MRPS27: variants seen among roughly 807,000 people sequenced by gnomAD.
MRPS27 encodes mitochondrial ribosomal protein S27.
Under a neutral mutation model 48.9 loss-of-function variants are expected in MRPS27, and 43 were observed. That is an observed-to-expected ratio of 0.88 (90% CI 0.69 to 1.13). MRPS27 has a LOEUF of 1.13. MRPS27 is among the 50% of genes most tolerant of loss of function. The probability of loss-of-function intolerance (pLI) is 0.00; values close to 1 mark genes in which losing one functional copy is unlikely to be tolerated. For missense variants in MRPS27, 467 were observed against 476.3 expected, an observed-to-expected ratio of 0.98 and a Z score of 0.18; for synonymous variants, 188 against 171.9, an observed-to-expected ratio of 1.09 and a Z score of -0.73.
rs1431249517 is a variant in MRPS27 at position 72,259,378 on chromosome 5, G to A, written c.282-21250C>T. Among the ~76,000 whole-genome samples, 3 of 150,102 alleles carry A rather than the reference G, an allele frequency of 2.0e-5. No individual in the cohort carries two copies. In the South Asian group the frequency reaches 6.3e-4, roughly 32 times the overall value. On this transcript the variant is annotated intron_variant, in intron 4 of 10. Transcript: ENST00000261413. ...AGCTACTTGGGAGGCTGAGGTAGGA[G>A]AATTGCTTGAATCCGGGAAGCAGAG...
At chr5:72,247,698 C>T (rs925302592) in intron 4 of MRPS27, among the ~76,000 whole-genome samples, 1 of 152,182 alleles carries the variant, frequency 6.6e-6, no homozygotes, top group Non-Finnish European at 1.5e-5. Context: ...TTATTTTCTA[C>T]TCAAATATTT....
intron 4 of MRPS27, among the ~76,000 whole-genome samples, chr5:72,279,570 A>C (rs1749477090): frequency 6.6e-6 from 1 of 152,184 alleles, no homozygotes; most frequent in East Asian, 1.9e-4. Context: ...CAGCCTGAGC[A>C]ACACAGCGAG....
intron 4 of MRPS27, among the ~76,000 whole-genome samples, chr5:72,254,562 T>C (rs1191866209): frequency 1.3e-5 from 2 of 152,196 alleles, no homozygotes; most frequent in East Asian, 3.8e-4. Context: ...GAGGGGAAAG[T>C]CATAGCCTAG....
In MRPS27 at chr5:72,226,062, C is replaced by T; in HGVS notation, c.832G>A (p.Glu278Lys). ...CTTAGAGCTGAAGAACATACCGCTT[C>T]TCTACACAGCTTTATGTCTTCTGGG... is the stretch of plus-strand genomic sequence containing the variant. ...ASPEDIKLCR[E>K]ALDVLGAVLK... Residue 278 changes from glutamate (E) to lysine (K), a missense_variant, in exon 9 of 11, where the codon GAA (glutamate) becomes AAA (lysine). Transcript: ENST00000261413. The T allele has an allele frequency of 1.9e-6, 3 of 1,612,766 alleles. No homozygotes were observed. The highest frequency in any genetic ancestry group is 1.7e-6 in the Non-Finnish European group (2 of 1,179,080).
intron 4 of MRPS27, among the ~76,000 whole-genome samples, chr5:72,274,798 C>T (rs779743648): frequency 9.2e-5 from 14 of 152,118 alleles, no homozygotes; most frequent in South Asian, 2.1e-4. Context: ...GCATTATGAA[C>T]GCTACAATGT....
chr5:72,294,791 G>T (rs1749933465), intron 4 of MRPS27: 1 of 150,186 alleles, frequency 6.7e-6, no homozygotes, highest in Non-Finnish European at 1.5e-5. Flanking sequence ...AATTCCACCT[G>T]TAAAAAAAAA....
Position 72,297,682 on chromosome 5 carries a change from C to A in MRPS27, c.172G>T (p.Asp58Tyr). ...GGCAACTTTCTCTCAAATGTTTTAT[C>A]CATTAAAGATGCAAGATCAGCTGTG... ...YCLADLASLM[D>Y]KTFERKLPVS... Residue 58 changes from aspartate (D) to tyrosine (Y), a missense_variant, in exon 3 of 11, where the codon GAT (aspartate) becomes TAT (tyrosine). By Grantham distance (160) the Asp-to-Tyr change is radical. Transcript: ENST00000261413. 1 of 1,600,020 alleles carries A rather than the reference C, an allele frequency of 6.2e-7. No homozygotes were observed. The highest frequency in any genetic ancestry group is 8.5e-7 in the Non-Finnish European group (1 of 1,174,046).
chr5:72,266,896 C>T (rs1749119507), intron 4 of MRPS27, among the ~76,000 whole-genome samples: 1 of 151,998 alleles, frequency 6.6e-6, no homozygotes, highest in Admixed American at 6.6e-5. Flanking sequence ...AATGTGGTTA[C>T]CACTAGGTTC....
At chr5:72,223,317 GCA>G (rs1229406065) in intron 10 of MRPS27, among the ~76,000 whole-genome samples, 9 of 152,208 alleles carry the variant, frequency 5.9e-5, no homozygotes, top group African/African-American at 2.2e-4. Flanking sequence ...AGGTTATCAA[GCA>G]CATTTAGTGC....
intron 2 of MRPS27, among the ~76,000 whole-genome samples, chr5:72,308,930 G>A (rs2112084164): frequency 6.6e-6 from 1 of 152,290 alleles, no homozygotes; most frequent in Admixed American, 6.5e-5. Context: ...CAGACGGAGA[G>A]GCAGGCATTA....
At chr5:72,308,408 C>G (rs1195379873) in intron 2 of MRPS27, among the ~76,000 whole-genome samples, 7 of 152,234 alleles carry the variant, frequency 4.6e-5, no homozygotes, top group Admixed American at 4.6e-4. Context: ...CATATCGGCC[C>G]TCCTCCGTCC....
At chr5:72,274,514 C>T (rs1351010066) in intron 4 of MRPS27, among the ~76,000 whole-genome samples, 5 of 152,308 alleles carry the variant, frequency 3.3e-5, no homozygotes, top group South Asian at 2.1e-4. Flanking sequence ...ATGATAACAA[C>T]GCCTTCTTCT....
chr5:72,276,963 G>A (rs1259616557), intron 4 of MRPS27, among the ~76,000 whole-genome samples: 6 of 152,076 alleles, frequency 3.9e-5, no homozygotes, highest in South Asian at 2.1e-4. Flanking sequence ...CCCAGGAGGC[G>A]GAGGTTGCAA....
intron 2 of MRPS27, among the ~76,000 whole-genome samples, chr5:72,300,868 T>C (rs545263208): frequency 1.3e-5 from 2 of 152,338 alleles, no homozygotes; most frequent in Admixed American, 6.5e-5. Context: ...TGCTAATCTG[T>C]GTTGTTTTTC....
Position 72,320,217 on chromosome 5 carries a change from G to A in MRPS27, c.5C>T (p.Ala2Val). The A allele has an allele frequency of 6.2e-7, 1 of 1,613,962 alleles. No homozygotes were observed. Residue 2 changes from alanine (A) to valine (V), a missense_variant, in exon 1 of 11, where the codon GCT becomes GTT. Coordinates refer to ENST00000261413, the MANE Select transcript of MRPS27 (RefSeq NM_015084.3). ...CATCCCGCGCCGCACTATGGAGGCA[G>A]CCATCTTGGAGCGTACCAAAAGGAA... M[A>V]ASIVRRGMLL...
chr5:72,236,923 C>CT (rs111411729), intron 5 of MRPS27, among the ~76,000 whole-genome samples: 8,945 of 139,682 alleles, frequency 0.064, 850 homozygotes, highest in African/African-American at 0.21. Flanking sequence ...TTCTTTTTTC[C>CT]TTTTTTTTTT....
chr5:72,235,014 A>G (rs1405165014), intron 5 of MRPS27, among the ~76,000 whole-genome samples: 1 of 152,130 alleles, frequency 6.6e-6, no homozygotes, highest in Non-Finnish European at 1.5e-5. Flanking sequence ...GAATTTTTCC[A>G]AACTATATCC....
chr5:72,306,954 A>C (rs539909223), intron 2 of MRPS27, among the ~76,000 whole-genome samples: 3 of 152,188 alleles, frequency 2.0e-5, no homozygotes, highest in Non-Finnish European at 4.4e-5. Flanking sequence ...TCTATTAAAA[A>C]GATTCAGAAA....
intron 4 of MRPS27, among the ~76,000 whole-genome samples, chr5:72,266,951 G>A (rs572128063): frequency 6.6e-6 from 1 of 152,258 alleles, no homozygotes; most frequent in Non-Finnish European, 1.5e-5. Context: ...TTTTATGGCT[G>A]CAGAGTCCCT....
Sources: allele counts gnomAD v4.1 joint callset (sites outside exome capture counted in the v4.1 genomes callset), GRCh38; gene constraint gnomAD v4.1.1; transcripts MANE v1.5; gene names NCBI Gene and HGNC (gene_info 2026-07-23, HGNC 2026-07-21).